ANGPT2: variants seen among roughly 807,000 people sequenced by gnomAD.
The protein encoded by ANGPT2 is angiopoietin-2.
ANGPT2 carries 28 observed loss-of-function variants against 62.9 expected under a neutral mutation model. That is an observed-to-expected ratio of 0.44 (90% confidence interval 0.33 to 0.61). The LOEUF (loss-of-function observed/expected upper bound fraction) is 0.61, where lower values mean the gene tolerates loss of function less well. Ranked by LOEUF, ANGPT2 falls within the 20% of genes least tolerant of loss-of-function variation. The pLI is 0.03. For missense variants in ANGPT2, 727 were observed against 594.9 expected (o/e 1.22, Z -2.31); for synonymous variants, 284 against 207.8 (o/e 1.37, Z -3.15).
At chr8:6,558,140 G>C (rs536854405) in intron 1 of ANGPT2, among the ~76,000 whole-genome samples, 27 of 152,240 alleles carry the variant, frequency 1.8e-4, no homozygotes, top group African/African-American at 6.3e-4. Context: ...GAAAGATCCT[G>C]ATTATGCTAT....
At position 6,502,950 on chromosome 8, in the gene ANGPT2, A is replaced by T; in HGVS notation, c.*151T>A. On this transcript the variant is annotated 3_prime_UTR_variant, in exon 9 of 9. Transcript: ENST00000629816. The stretch of plus-strand genomic sequence containing the variant: ...TGCAAGTTTAAGTGATAAAGTTTAC[A>T]GGCTCTAATCTGGAGCATGTGGGTC... 1.2e-6 allele frequency: 1 copy of T among 818,988 alleles called. No individual in the cohort carries two copies. Among genetic ancestry groups the T allele is most frequent in the South Asian group, 1.9e-5 (1 of 53,362 alleles). 50.7% of individuals were successfully genotyped at this position (818,988 alleles called of 1,614,324 possible).
intron 5 of ANGPT2, among the ~76,000 whole-genome samples, chr8:6,516,863 T>C (rs1226595053): frequency 6.6e-6 from 1 of 152,220 alleles, no homozygotes; most frequent in Non-Finnish European, 1.5e-5. Flanking sequence ...TATCTTGTTA[T>C]GGAAGTCAGA....
chr8:6,527,350 G>C (rs1231070760), intron 3 of ANGPT2, among the ~76,000 whole-genome samples: 1 of 152,238 alleles, frequency 6.6e-6, no homozygotes, highest in Non-Finnish European at 1.5e-5. Flanking sequence ...GGGAATGAAA[G>C]GTAAAATCCA....
chr8:6,522,107 GC>G (rs1241169187), intron 3 of ANGPT2, among the ~76,000 whole-genome samples: 3 of 152,206 alleles, frequency 2.0e-5, no homozygotes, highest in African/African-American at 7.2e-5. Flanking sequence ...TGTAATCCCA[GC>G]ACTTTGGGAG....
At chr8:6,542,235 A>T (rs998149524) in intron 1 of ANGPT2, among the ~76,000 whole-genome samples, 1 of 152,134 alleles carries the variant, frequency 6.6e-6, no homozygotes, top group Admixed American at 6.5e-5. Context: ...ATAGAATCTT[A>T]TGTATATCTG....
intron 1 of ANGPT2, among the ~76,000 whole-genome samples, chr8:6,544,247 A>G (rs944357596): frequency 6.6e-6 from 1 of 152,204 alleles, no homozygotes; most frequent in African/African-American, 2.4e-5. Context: ...ATTATGGAAG[A>G]CCATAGAAAA....
rs560870009 is a variant in ANGPT2, at chr8:6,522,452, C to A, written c.567-1042G>T. Among the ~76,000 whole-genome samples the A allele has an allele frequency of 1.2e-4, 18 of 152,074 alleles. No homozygotes were observed. In the South Asian group the frequency reaches 3.7e-3, roughly 32 times the overall value. ...TAACGTTAATATAGACATTATTATT[C>A]CCATTTCCAATGAGGAAATTGAAAC... On this transcript the variant is annotated intron_variant, in intron 3 of 8. Coordinates refer to ENST00000629816, the MANE Select transcript of ANGPT2 (RefSeq NM_001118887.2).
At chr8:6,516,894 G>C (rs1042601637) in intron 5 of ANGPT2, among the ~76,000 whole-genome samples, 22 of 152,158 alleles carry the variant, frequency 1.4e-4, no homozygotes, top group Non-Finnish European at 4.4e-5. Context: ...TTAAATGTCT[G>C]AGAGTCACTG....
At chr8:6,505,756 AT>A (rs1813508009) in intron 8 of ANGPT2, among the ~76,000 whole-genome samples, 1 of 133,508 alleles carries the variant, frequency 7.5e-6, no homozygotes, top group South Asian at 2.3e-4. Flanking sequence ...ATATATACGT[AT>A]ATATAGAATA....
intron 1 of ANGPT2, among the ~76,000 whole-genome samples, chr8:6,554,032 A>T (rs2129575144): frequency 6.6e-6 from 1 of 151,634 alleles, no homozygotes; most frequent in East Asian, 1.9e-4. Flanking sequence ...TTCATCCCTG[A>T]AATTTGCCGG....
chr8:6,534,529 A>G (rs950448680), intron 1 of ANGPT2, among the ~76,000 whole-genome samples: 1 of 152,172 alleles, frequency 6.6e-6, no homozygotes, highest in African/African-American at 2.4e-5. Context: ...TCAGCCCCCC[A>G]AAGTGCTGGG....
intron 8 of ANGPT2, chr8:6,508,635 C>T (rs1167804658): frequency 1.8e-6 from 1 of 566,008 alleles, no homozygotes; most frequent in Non-Finnish European, 3.1e-6. Flanking sequence ...CTCTAGTATC[C>T]AGCAAGCACA....
At chr8:6,511,625 C>G (rs1386497795) in intron 7 of ANGPT2, among the ~76,000 whole-genome samples, 3 of 152,260 alleles carry the variant, frequency 2.0e-5, no homozygotes, top group East Asian at 1.9e-4. Flanking sequence ...GTTTCAGTCC[C>G]TTCACAGTTC....
intron 8 of ANGPT2, 71 bp downstream of exon 8, chr8:6,508,861 A>G: frequency 1.2e-6 from 2 of 1,604,422 alleles, no homozygotes; most frequent in Non-Finnish European, 8.5e-7. Flanking sequence ...TTGTAGTCCA[A>G]ATTGCCAGCC....
In ANGPT2 at chr8:6,500,733, T is replaced by G. The variant is rs1812003403; in HGVS notation, c.*2368A>C. 6.6e-6 allele frequency: 1 copy of G among 152,232 alleles called. No individual in the cohort carries two copies. Among genetic ancestry groups the G allele is most frequent in the Admixed American group, 6.5e-5 (1 of 15,284 alleles). The allele number at this position is 152,232 out of a possible 1,614,324, so 9.4% of individuals were successfully genotyped here. On this transcript the variant is annotated 3_prime_UTR_variant, in exon 9 of 9. Coordinates refer to ENST00000629816, the MANE Select transcript of ANGPT2 (RefSeq NM_001118887.2). ...TTTCTTAAGGAGAGACAAAAGCTCCTCTCAGCAAAACTGTTTGTTTGAAAT... is the reference window on the plus strand; with the variant it reads ...TTTCTTAAGGAGAGACAAAAGCTCCGCTCAGCAAAACTGTTTGTTTGAAAT...
chr8:6,547,064 T>C (rs1822727056), intron 1 of ANGPT2, among the ~76,000 whole-genome samples: 1 of 152,124 alleles, frequency 6.6e-6, no homozygotes, highest in Admixed American at 6.5e-5. Context: ...GTACCGTGGT[T>C]GCCTTCGGGC....
intron 1 of ANGPT2, among the ~76,000 whole-genome samples, chr8:6,547,758 G>T (rs547923630): frequency 6.6e-6 from 1 of 152,148 alleles, no homozygotes; most frequent in African/African-American, 2.4e-5. Flanking sequence ...TGACTCACTC[G>T]GTGGGAACAA....
At chr8:6,561,173 T>C (rs190199936) in intron 1 of ANGPT2, among the ~76,000 whole-genome samples, 1 of 152,368 alleles carries the variant, frequency 6.6e-6, no homozygotes, top group East Asian at 1.9e-4. Context: ...GCTATGAATT[T>C]TAGAAGATGT....
chr8:6,514,422 C>T (rs1815823237), intron 6 of ANGPT2, among the ~76,000 whole-genome samples: 2 of 152,174 alleles, frequency 1.3e-5, no homozygotes, highest in African/African-American at 4.8e-5. Flanking sequence ...CTCCTGACCT[C>T]AGGTAATCCA....
Sources: gnomAD v4.1 joint callset for allele counts (sites outside exome capture counted in the v4.1 genomes callset) on GRCh38, gnomAD v4.1.1 for gene constraint, MANE v1.5 for transcripts, NCBI Gene and HGNC (gene_info 2026-07-23, HGNC 2026-07-21) for gene names.